RCC2: variants seen among roughly 807,000 people sequenced by gnomAD.
RCC2 encodes regulator of chromosome condensation 2, also known as protein RCC2.
Under a neutral mutation model 64.1 loss-of-function variants are expected in RCC2, and 19 were observed. The observed-to-expected ratio is 0.30, with a 90% CI of 0.21 to 0.44. The LOEUF (loss-of-function observed/expected upper bound fraction) is 0.44, where lower values mean the gene tolerates loss of function less well. RCC2 is among the 20% of genes least tolerant of loss of function. The probability of loss-of-function intolerance (pLI) is 1.00; values close to 1 mark genes in which losing one functional copy is unlikely to be tolerated. For missense variants in RCC2, 508 were observed against 710.4 expected (o/e 0.72, Z 3.24); for synonymous variants, 325 against 279.6 (o/e 1.16, Z -1.62).
rs907783600 is a variant in RCC2 at position 17,438,123 on chromosome 1, G to A, written c.285+107C>T. On this transcript the variant is annotated intron_variant, in intron 2 of 12. Transcript: ENST00000375436. ...GCCTGCGCCGGCCCGGCCGCCGGGA[G>A]GGAGCGTGACGCGAGGCGGCCCCCG... 35 of 852,844 alleles carry A rather than the reference G, an allele frequency of 4.1e-5. No homozygotes were observed. The Admixed American group carries it at 8.2e-4, about 20-fold the overall frequency. 52.8% of individuals were successfully genotyped at this position (852,844 alleles called of 1,614,324 possible). A position where few individuals can be genotyped will look rare whatever the true frequency, so the allele number is the denominator to read the frequency against.
At chr1:17,420,611 C>T (rs373545810) in intron 7 of RCC2, 103 bp downstream of exon 7, 4 of 655,460 alleles carry the variant, frequency 6.1e-6, no homozygotes, top group Non-Finnish European at 5.1e-6. Flanking sequence ...TATCTGAGAT[C>T]AATTACCCAC....
chr1:17,429,088 G>A lies in RCC2; in HGVS notation c.379+18C>T. 1 of 1,598,798 alleles carries A rather than the reference G, an allele frequency of 6.3e-7. No homozygotes were observed. The highest frequency in any genetic ancestry group is 8.6e-7 in the Non-Finnish European group (1 of 1,166,154). On this transcript the variant is annotated intron_variant, in intron 3 of 12. Transcript: ENST00000375436. ...CTTAAGAAGCACTCAATGGGTTTTTGAGGCACCATTCTCATACCTTGCTGT... is the reference window on the plus strand; with the variant it reads ...CTTAAGAAGCACTCAATGGGTTTTTAAGGCACCATTCTCATACCTTGCTGT...
intron 4 of RCC2, 110 bp downstream of exon 4, chr1:17,425,431 G>T: frequency 8.8e-7 from 1 of 1,140,910 alleles, no homozygotes. Flanking sequence ...GAACGAAGGA[G>T]CCCAGCCTTA....
Position 17,422,720 on chromosome 1 carries a change from T to C in RCC2, c.640A>G (p.Thr214Ala). The C allele has an allele frequency of 6.2e-7, 1 of 1,614,058 alleles. No homozygotes were observed. Among genetic ancestry groups the C allele is most frequent in the Non-Finnish European group, 8.5e-7 (1 of 1,179,994 alleles). Residue 214 changes from threonine (T) to alanine (A), a missense_variant, in exon 5 of 13, where the codon ACC becomes GCC. Transcript: ENST00000375436. ...ACCTCCTTACCCGTCAAGGCCAAGG[T>C]GTGGTTCCGCCCACATGCTGCAGAC... is the stretch of plus-strand genomic sequence containing the variant. ...IVSAACGRNHTLALTETGSVF... is the reference protein window; with the variant it reads ...IVSAACGRNHALALTETGSVF...
At position 17,422,817 on chromosome 1, in the gene RCC2, C is replaced by T. The variant is rs1557627685; in HGVS notation, c.543G>A (p.Gln181=). The part of the protein sequence containing the change: ...LWSWGRNEKG[Q]LGHGDTKRVE... The stretch of plus-strand genomic sequence containing the variant: ...CTCTCTTGGTGTCACCATGTCCCAG[C>T]TGCCCCTTCTCATTTCGACCTGCAG... The change falls in exon 5 of 13, where the codon CAG becomes CAA. Residue 181 remains glutamine, a synonymous_variant. Transcript: ENST00000375436. The T allele has an allele frequency of 6.2e-7, 1 of 1,614,160 alleles. No homozygotes were observed. The highest frequency in any genetic ancestry group is 1.1e-5 in the South Asian group (1 of 91,068).
Position 17,438,371 on chromosome 1 carries a change from G to T in RCC2, c.144C>A (p.Gly48=). The change falls in exon 2 of 13, where the codon GGC becomes GGA. Residue 48 remains glycine, a synonymous_variant. Transcript: ENST00000375436. ...GGCCGTCCTCGTCGCCGCTGCTGCC[G>T]CCGCCGCTGCTGCTACTGCAGCGCT... is the stretch of plus-strand genomic sequence containing the variant. ...RPERCSSSSG[G]GSSGDEDGLE... 1 of 1,243,560 alleles carries T rather than the reference G, an allele frequency of 8.0e-7. No homozygotes were observed. Among genetic ancestry groups the T allele is most frequent in the Non-Finnish European group, 1.0e-6 (1 of 997,258 alleles). The allele number at this position is 1,243,560 out of a possible 1,614,324, so 77.0% of individuals were successfully genotyped here. A position where few individuals can be genotyped will look rare whatever the true frequency, so the allele number is the denominator to read the frequency against.
chr1:17,426,322 C>T (rs1159200372), intron 3 of RCC2, among the ~76,000 whole-genome samples: 1 of 152,182 alleles, frequency 6.6e-6, no homozygotes, highest in Non-Finnish European at 1.5e-5. Context: ...ATCACCCCAC[C>T]TCCTGCTCCC....
rs571226757 is a variant in RCC2 at position 17,409,646 on chromosome 1, G to A, written c.1464+328C>T. 3.3e-4 allele frequency among the ~76,000 whole-genome samples: 50 copies of A among 152,334 alleles called. No homozygotes were observed. In the East Asian group the frequency reaches 7.5e-3, roughly 23 times the overall value. ...CGCAGCCTCTACTCTGTGGACCTGC[G>A]GACCTGCCTCCAGCCCAGTGGATCT... On this transcript the variant is annotated intron_variant, in intron 12 of 12. Transcript: ENST00000375436.
chr1:17,419,048 T>C (rs1367194334), intron 7 of RCC2, among the ~76,000 whole-genome samples: 1 of 152,080 alleles, frequency 6.6e-6, no homozygotes, highest in African/African-American at 2.4e-5. Flanking sequence ...GGGTGACAGC[T>C]CTTTAAAATA....
chr1:17,435,523 T>C (rs1411564278), intron 2 of RCC2, among the ~76,000 whole-genome samples: 1 of 152,198 alleles, frequency 6.6e-6, no homozygotes, highest in Non-Finnish European at 1.5e-5. Flanking sequence ...ACCAGAAACC[T>C]GGGGCCAGGG....
intron 6 of RCC2, among the ~76,000 whole-genome samples, chr1:17,421,809 T>C (rs1024920802): frequency 6.6e-6 from 1 of 152,114 alleles, no homozygotes. Context: ...GTGGATCACC[T>C]GAGGTCAGGA....
At chr1:17,418,284 T>C (rs2075512493) in intron 7 of RCC2, among the ~76,000 whole-genome samples, 2 of 151,198 alleles carry the variant, frequency 1.3e-5, no homozygotes, top group Non-Finnish European at 2.9e-5. Flanking sequence ...GCATGATCTC[T>C]GCTCACTATC....
intron 6 of RCC2, 79 bp from the exon 7 acceptor site, chr1:17,420,907 A>G: frequency 1.1e-6 from 1 of 883,112 alleles, no homozygotes. Context: ...GTTGGTGGGA[A>G]ACAATTACTA....
chr1:17,415,773 A>C (rs1340066550), intron 8 of RCC2, among the ~76,000 whole-genome samples: 1 of 151,648 alleles, frequency 6.6e-6, no homozygotes, highest in African/African-American at 2.4e-5. Flanking sequence ...AGTGACCTTT[A>C]AAGAAACAAC....
chr1:17,438,413 C>T lies in RCC2; in HGVS notation c.102G>A (p.Arg34=). Residue 34 remains arginine, a synonymous_variant, in exon 2 of 13, where the codon AGG becomes AGA. Coordinates refer to ENST00000375436, the MANE Select transcript of RCC2 (RefSeq NM_018715.4). Reference sequence around the variant, plus strand: ...TGCAGCGCTCGGGCCGCTCGCGCTTCCTGCCCGCCGGGCCGCCGCGTTTCC... The same window carrying T: ...TGCAGCGCTCGGGCCGCTCGCGCTTTCTGCCCGCCGGGCCGCCGCGTTTCC... ...GPRKRGGPAG[R]KRERPERCSS... 1 of 1,268,438 alleles carries T rather than the reference C, an allele frequency of 7.9e-7. No individual in the cohort carries two copies. The highest frequency in any genetic ancestry group is 9.9e-7 in the Non-Finnish European group (1 of 1,011,238). The allele number at this position is 1,268,438 out of a possible 1,614,324, so 78.6% of individuals were successfully genotyped here. A position where few individuals can be genotyped will look rare whatever the true frequency, so the allele number is the denominator to read the frequency against.
At chr1:17,412,412 G>C (rs57188450) in intron 10 of RCC2, among the ~76,000 whole-genome samples, 2,442 of 152,318 alleles carry the variant, frequency 0.016, 59 homozygotes, top group African/African-American at 0.056. Context: ...CCCTTAGACA[G>C]GCCTAGGGGC....
At chr1:17,431,355 A>ATAAAT (rs1354041881) in intron 2 of RCC2, among the ~76,000 whole-genome samples, 1 of 44,620 alleles carries the variant, frequency 2.2e-5, no homozygotes, top group Non-Finnish European at 4.4e-5. Flanking sequence ...AAAAAAAAAA[A>ATAAAT]AAAAATATAT....
intron 2 of RCC2, among the ~76,000 whole-genome samples, chr1:17,430,371 G>A (rs933951214): frequency 1.1e-4 from 17 of 152,090 alleles, no homozygotes; most frequent in African/African-American, 3.6e-4. Context: ...TGAGCCTGTG[G>A]TCCCAGTTAC....
At chr1:17,437,347 G>T (rs1366580595) in intron 2 of RCC2, among the ~76,000 whole-genome samples, 1 of 152,230 alleles carries the variant, frequency 6.6e-6, no homozygotes, top group Non-Finnish European at 1.5e-5. Flanking sequence ...TGAAAACTTA[G>T]ACCCTCTTCT....
Sources: gnomAD v4.1 joint callset for allele counts (sites outside exome capture counted in the v4.1 genomes callset) on GRCh38, gnomAD v4.1.1 for gene constraint, MANE v1.5 for transcripts, NCBI Gene and HGNC (gene_info 2026-07-23, HGNC 2026-07-21) for gene names.